The following SLC25A13 variants were observed in gnomAD, a reference collection of about 807,000 sequenced individuals.
The protein encoded by SLC25A13 is electrogenic aspartate/glutamate antiporter SLC25A13, mitochondrial.
A neutral mutation model predicts 85.5 loss-of-function variants in SLC25A13; 70 were observed. That is an observed-to-expected ratio of 0.82 (90% CI 0.68 to 1.00). The LOEUF (loss-of-function observed/expected upper bound fraction) is 1.00. Ranked by LOEUF, SLC25A13 falls within the 50% of genes least tolerant of loss-of-function variation. SLC25A13 has a pLI of 0.00. For missense variants in SLC25A13, 765 were observed against 819.8 expected (o/e 0.93, Z 0.82); for synonymous variants, 259 against 288.7 (o/e 0.90, Z 1.04).
At chr7:96,158,181 T>C (rs1314465405) in intron 13 of SLC25A13, among the ~76,000 whole-genome samples, 2 of 152,214 alleles carry the variant, frequency 1.3e-5, no homozygotes, top group Non-Finnish European at 1.5e-5. Context: ...AATGAGGTAG[T>C]ATTCCTGAAC....
rs147667971 is a variant in SLC25A13 at position 96,303,000 on chromosome 7, T to C, written c.16-6049A>G. 5.5e-3 allele frequency among the ~76,000 whole-genome samples: 834 copies of C among 152,330 alleles called. 10 individuals are homozygous for C. The highest frequency in any genetic ancestry group is 0.019 in the African/African-American group (804 of 41,580). ...GTCCTCGCTGCATATTCAAGTCCCC[T>C]GAGGTGCTTTTAGGTTTTACAAAAC... On this transcript the variant is annotated intron_variant, in intron 1 of 17. Coordinates refer to ENST00000265631, the MANE Select transcript of SLC25A13 (RefSeq NM_014251.3).
At chr7:96,137,254 C>T (rs1792327642) in intron 14 of SLC25A13, among the ~76,000 whole-genome samples, 1 of 152,110 alleles carries the variant, frequency 6.6e-6, no homozygotes, top group Admixed American at 6.5e-5. Flanking sequence ...TGTGTTAAAA[C>T]CAAATAAGCC....
intron 13 of SLC25A13, among the ~76,000 whole-genome samples, chr7:96,148,586 A>G (rs935171412): frequency 2.0e-5 from 3 of 152,232 alleles, no homozygotes; most frequent in Non-Finnish European, 4.4e-5. Flanking sequence ...AGTTAGAAAA[A>G]TGAATAGAAA....
intron 3 of SLC25A13, among the ~76,000 whole-genome samples, chr7:96,247,182 C>T (rs912893426): frequency 2.6e-5 from 4 of 152,192 alleles, no homozygotes; most frequent in African/African-American, 9.6e-5. Context: ...CACATTTTCT[C>T]TCCGGTTTAG....
At chr7:96,247,574 A>G (rs1332490369) in intron 3 of SLC25A13, among the ~76,000 whole-genome samples, 1 of 152,186 alleles carries the variant, frequency 6.6e-6, no homozygotes, top group Non-Finnish European at 1.5e-5. Flanking sequence ...ACCCTCTTTA[A>G]TAAGGACTAG....
chr7:96,207,796 G>A (rs1202236950), intron 5 of SLC25A13, among the ~76,000 whole-genome samples: 1 of 152,104 alleles, frequency 6.6e-6, no homozygotes, highest in Non-Finnish European at 1.5e-5. Context: ...ATATGGGTGG[G>A]GGAAGGGGGT....
chr7:96,266,998 A>G (rs952633099), intron 3 of SLC25A13, among the ~76,000 whole-genome samples: 2 of 152,226 alleles, frequency 1.3e-5, no homozygotes, highest in African/African-American at 2.4e-5. Context: ...GCCAAATTCT[A>G]TAGTTTATGA....
chr7:96,278,333 G>A (rs548999326), intron 2 of SLC25A13, among the ~76,000 whole-genome samples: 3 of 152,312 alleles, frequency 2.0e-5, no homozygotes, highest in East Asian at 1.9e-4. Flanking sequence ...TGGAGGGTGC[G>A]CAGTGAAGTG....
At chr7:96,167,805 T>C (rs1793816277) in intron 13 of SLC25A13, among the ~76,000 whole-genome samples, 1 of 152,130 alleles carries the variant, frequency 6.6e-6, no homozygotes, top group African/African-American at 2.4e-5. Flanking sequence ...TGCTATTACT[T>C]AAAAAATGCA....
At chr7:96,166,974 C>T (rs1254798299) in intron 13 of SLC25A13, 4 of 152,200 alleles carry the variant, frequency 2.6e-5, no homozygotes, top group Non-Finnish European at 5.9e-5. Context: ...CCCACAACTA[C>T]AACCCTAATT....
At chr7:96,279,398 A>G (rs1055664379) in intron 2 of SLC25A13, among the ~76,000 whole-genome samples, 1 of 152,230 alleles carries the variant, frequency 6.6e-6, no homozygotes, top group African/African-American at 2.4e-5. Flanking sequence ...TATAAATAAA[A>G]AGAGGTTTAA....
At chr7:96,131,959 T>A (rs1318625774) in intron 14 of SLC25A13, 78 bp from the exon 15 acceptor site, 2 of 1,597,464 alleles carry the variant, frequency 1.3e-6, no homozygotes, top group Non-Finnish European at 1.7e-6. Flanking sequence ...GGAACTCACC[T>A]CAGAACAAAA....
chr7:96,171,957 A>T (rs1332241118), intron 11 of SLC25A13, among the ~76,000 whole-genome samples: 1 of 152,222 alleles, frequency 6.6e-6, no homozygotes, highest in East Asian at 1.9e-4. Context: ...AAGAAAAAAA[A>T]ATTAAATCAC....
At chr7:96,213,681 A>T (rs1174454636) in intron 4 of SLC25A13, among the ~76,000 whole-genome samples, 1 of 152,198 alleles carries the variant, frequency 6.6e-6, no homozygotes, top group African/African-American at 2.4e-5. Context: ...GTCGTGGAAG[A>T]CTTTCAGGTA....
chr7:96,259,193 A>G (rs1797753118), intron 3 of SLC25A13, among the ~76,000 whole-genome samples: 1 of 152,252 alleles, frequency 6.6e-6, no homozygotes, highest in Non-Finnish European at 1.5e-5. Context: ...AATGGCAACA[A>G]AAGCCAAAAT....
At position 96,318,571 on chromosome 7, in the gene SLC25A13, AC is replaced by A. The variant is rs1460724084; in HGVS notation, c.15+3370del. 7.9e-5 allele frequency among the ~76,000 whole-genome samples: 12 copies of A among 152,338 alleles called. No homozygotes were observed. The Middle Eastern group carries it at 0.01, about 130-fold the overall frequency. ...AATGTTCATTCACGAAAGAAAACAA[AC>A]ACTTCTTGAACCATTAACTAGTAAT... On this transcript the variant is annotated intron_variant, in intron 1 of 17. Transcript: ENST00000265631.
In SLC25A13 at chr7:96,191,803, A is replaced by G. The variant is rs368767090; in HGVS notation, c.616-556T>C. 3.3e-5 allele frequency among the ~76,000 whole-genome samples: 5 copies of G among 152,294 alleles called. No individual in the cohort carries two copies. The South Asian group carries it at 6.2e-4, about 19-fold the overall frequency. On this transcript the variant is annotated intron_variant, in intron 6 of 17. Transcript: ENST00000265631. ...TTCTAGCAAACAAGCATATTATGGT[A>G]AAATTATGAGATGCCATATACTTTC...
chr7:96,317,027 T>C (rs1389116281), intron 1 of SLC25A13, among the ~76,000 whole-genome samples: 1 of 152,160 alleles, frequency 6.6e-6, no homozygotes, highest in Non-Finnish European at 1.5e-5. Flanking sequence ...TGGAGTGCAA[T>C]GGCACGACGT....
At chr7:96,283,001 C>T (rs536573833) in intron 2 of SLC25A13, among the ~76,000 whole-genome samples, 4 of 152,222 alleles carry the variant, frequency 2.6e-5, no homozygotes, top group Middle Eastern at 6.8e-3. Flanking sequence ...TGAACACTTC[C>T]GTGTTCCCAC....
Sources: allele counts gnomAD v4.1 joint callset (sites outside exome capture counted in the v4.1 genomes callset), GRCh38; gene constraint gnomAD v4.1.1; transcripts MANE v1.5; gene names NCBI Gene and HGNC (gene_info 2026-07-23, HGNC 2026-07-21).